HGD: variants seen among roughly 807,000 people sequenced by gnomAD.
HGD encodes the protein homogentisate 1,2-dioxygenase.
In HGD, 61 loss-of-function variants were observed where a neutral mutation model predicts 60.8. That is an observed-to-expected ratio of 1.00 (90% CI 0.82 to 1.24). HGD has a LOEUF of 1.24. Ranked by LOEUF, HGD falls within the 50% of genes most tolerant of loss-of-function variation. HGD has a pLI of 0.00. For synonymous variants in HGD, 212 were observed against 187.7 expected (o/e 1.13, Z -1.06); for missense variants, 542 against 547.1 (o/e 0.99, Z 0.09).
chr3:120,653,076 A>G (rs1257133785), intron 4 of HGD, among the ~76,000 whole-genome samples: 1 of 152,046 alleles, frequency 6.6e-6, no homozygotes, highest in African/African-American at 2.4e-5. Flanking sequence ...GGCTCCTGAC[A>G]CTGCAGGGGA....
At chr3:120,645,667 A>G (rs981813235) in intron 9 of HGD, among the ~76,000 whole-genome samples, 1 of 151,960 alleles carries the variant, frequency 6.6e-6, no homozygotes, top group Non-Finnish European at 1.5e-5. Context: ...TGGGGTGTAC[A>G]CAGAGGTTCA....
chr3:120,658,213 A>G (rs1461901836), intron 4 of HGD, among the ~76,000 whole-genome samples: 1 of 152,216 alleles, frequency 6.6e-6, no homozygotes, highest in Admixed American at 6.5e-5. Context: ...AGACAAGTTA[A>G]GTCCCTTCCA....
intron 4 of HGD, among the ~76,000 whole-genome samples, chr3:120,667,350 A>G (rs1445985070): frequency 6.7e-6 from 1 of 148,386 alleles, no homozygotes; most frequent in Non-Finnish European, 1.5e-5. Context: ...AAAAAAAAAA[A>G]AGACAAAGCT....
intron 12 of HGD, among the ~76,000 whole-genome samples, chr3:120,637,276 C>T (rs1302063296): frequency 2.2e-5 from 3 of 135,814 alleles, no homozygotes; most frequent in African/African-American, 8.1e-5. Context: ...GAGAGAGTTA[C>T]TTAATCCCTC....
rs201753011 is a variant in HGD at position 120,652,594 on chromosome 3, T to G, written c.340A>C (p.Ser114Arg). 273 of 1,611,714 alleles carry G rather than the reference T, an allele frequency of 1.7e-4. No individual in the cohort carries two copies. The highest frequency in any genetic ancestry group is 3.7e-4 in the Admixed American group (22 of 60,010). ...GGGTGTGGATGGGACTGACTTACAC[T>G]CACAAAGTCTACTTTCTTCTGAGAT... is the stretch of plus-strand genomic sequence containing the variant. ...KASQKKVDFV[S>R]GLHTLCGAGD... The change falls in exon 5 of 14, where the codon AGT (serine) becomes CGT (arginine). Residue 114 changes from serine to arginine, a missense_variant and splice_region_variant. Around this residue, in one of 2 missense-constraint regions of HGD, gnomAD observed 537 missense variants for 529.1 expected, o/e 1.01. Coordinates refer to ENST00000283871, the MANE Select transcript of HGD (RefSeq NM_000187.4).
intron 1 of HGD, among the ~76,000 whole-genome samples, chr3:120,680,722 G>T (rs1446688023): frequency 1.3e-5 from 2 of 152,128 alleles, no homozygotes; most frequent in Non-Finnish European, 2.9e-5. Flanking sequence ...CACCGCCTGG[G>T]TATCTCAGTT....
At chr3:120,628,582 C>T (rs1199646187) in intron 13 of HGD, 53 bp from the exon 14 acceptor site, 6 of 1,581,810 alleles carry the variant, frequency 3.8e-6, no homozygotes, top group African/African-American at 1.3e-5. Flanking sequence ...AGATAATAAA[C>T]ACATTTGATT....
At chr3:120,636,177 G>C (rs113499557) in intron 12 of HGD, among the ~76,000 whole-genome samples, 2,885 of 150,206 alleles carry the variant, frequency 0.019, 87 homozygotes, top group African/African-American at 0.067. Context: ...CTACTCAGGA[G>C]ACTGAGCGGG....
intron 3 of HGD, among the ~76,000 whole-genome samples, chr3:120,671,689 G>A (rs1248443644): frequency 2.0e-5 from 3 of 152,148 alleles, no homozygotes; most frequent in East Asian, 1.9e-4. Context: ...ACATGCACAC[G>A]TATGTTTATT....
At position 120,636,116 on chromosome 3, in the gene HGD, CAAAAA is replaced by C. The variant is rs34434001; in HGVS notation, c.1006+2334_1006+2338del. ...CAAGACCCCGTCTGTACTAACAATACAAAAAAAAAAAAAAAAAGCCAGGTGTGGTG... is the reference window on the plus strand; with the variant it reads ...CAAGACCCCGTCTGTACTAACAATACAAAAAAAAAAAAGCCAGGTGTGGTG... On this transcript the variant is annotated intron_variant, in intron 12 of 13. Coordinates refer to ENST00000283871, the MANE Select transcript of HGD (RefSeq NM_000187.4). Among the ~76,000 whole-genome samples, 4 of 113,230 alleles carry C rather than the reference CAAAAA, an allele frequency of 3.5e-5. No homozygotes were observed. The Admixed American group carries it at 3.6e-4, about 10-fold the overall frequency. The allele number at this position is 113,230 out of a possible 152,430, so 74.3% of individuals were successfully genotyped here.
intron 4 of HGD, among the ~76,000 whole-genome samples, chr3:120,670,066 G>A (rs1707989815): frequency 6.6e-6 from 1 of 152,050 alleles, no homozygotes; most frequent in African/African-American, 2.4e-5. Context: ...GTTTTATAAG[G>A]GGATTTTCCC....
At chr3:120,652,721 C>A in intron 4 of HGD, 70 bp from the exon 5 acceptor site, 1 of 1,000,000 alleles carries the variant, frequency 1.0e-6, no homozygotes, top group Non-Finnish European at 1.6e-6. Context: ...AAATAAATAG[C>A]ATCAATTACA....
intron 6 of HGD, among the ~76,000 whole-genome samples, chr3:120,649,142 T>TC (rs1941254953): frequency 3.1e-5 from 1 of 31,996 alleles, no homozygotes; most frequent in Admixed American, 3.9e-4. Flanking sequence ...TCTTTTTCTT[T>TC]TTTTTTTTTT....
intron 2 of HGD, among the ~76,000 whole-genome samples, chr3:120,675,384 A>G (rs1256317082): frequency 6.6e-6 from 1 of 151,776 alleles, no homozygotes; most frequent in Non-Finnish European, 1.5e-5. Context: ...GCCTGCAAAA[A>G]GTTTTGAAAA....
At chr3:120,670,570 G>T in intron 3 of HGD, 38 bp from the exon 4 acceptor site, 1 of 1,172,988 alleles carries the variant, frequency 8.5e-7, no homozygotes, top group Non-Finnish European at 1.3e-6. Context: ...AAGCCTTAGA[G>T]TAATGTTCTG....
intron 12 of HGD, chr3:120,633,652 C>A (rs149067907): frequency 3.7e-5 from 45 of 1,231,344 alleles, no homozygotes; most frequent in Non-Finnish European, 4.8e-5. Context: ...TAATAGAGAG[C>A]GAATGTACTC....
At chr3:120,676,866 G>A (rs1193854000) in intron 1 of HGD, among the ~76,000 whole-genome samples, 1 of 152,166 alleles carries the variant, frequency 6.6e-6, no homozygotes, top group Non-Finnish European at 1.5e-5. Context: ...CAGTTGTTGC[G>A]GGAAGTCTGG....
At position 120,675,779 on chromosome 3, in the gene HGD, T is replaced by C; in HGVS notation, c.87+13A>G. On this transcript the variant is annotated intron_variant, in intron 2 of 13. Transcript: ENST00000283871. Reference sequence around the variant, plus strand: ...GGATTCAGAGCTCTTCTAAGCACTTTATTTGCTCATACCTGTCCTTCTGGC... The same window carrying C: ...GGATTCAGAGCTCTTCTAAGCACTTCATTTGCTCATACCTGTCCTTCTGGC... The C allele has an allele frequency of 6.2e-7, 1 of 1,607,916 alleles. No homozygotes were observed.
At chr3:120,677,465 A>T (rs980441681) in intron 1 of HGD, among the ~76,000 whole-genome samples, 3 of 152,174 alleles carry the variant, frequency 2.0e-5, no homozygotes, top group Non-Finnish European at 4.4e-5. Flanking sequence ...AATAGACCCC[A>T]GTCTCCCACA....
Sources: gnomAD v4.1 joint callset for allele counts (sites outside exome capture counted in the v4.1 genomes callset) on GRCh38, gnomAD v4.1.1 for gene constraint, gnomAD v4.1.1 regional missense constraint, MANE v1.5 for transcripts, NCBI Gene and HGNC (gene_info 2026-07-23, HGNC 2026-07-21) for gene names.